SERGEF: variants seen among roughly 807,000 people sequenced by gnomAD.
The protein encoded by SERGEF is secretion-regulating guanine nucleotide exchange factor.
SERGEF carries 51 observed loss-of-function variants against 50.0 expected under a neutral mutation model. The ratio of observed to expected loss-of-function variants is 1.02; its 90% CI spans 0.81 to 1.29. SERGEF has a LOEUF of 1.29. SERGEF is among the 50% of genes most tolerant of loss of function. SERGEF has a pLI of 0.00. For synonymous variants in SERGEF, 205 were observed against 212.4 expected (o/e 0.97, Z 0.30); for missense variants, 521 against 557.0 (o/e 0.94, Z 0.65).
intron 8 of SERGEF, among the ~76,000 whole-genome samples, chr11:17,986,239 T>G (rs977190932): frequency 1.2e-4 from 18 of 152,190 alleles, no homozygotes; most frequent in African/African-American, 4.1e-4. Context: ...TCAACGACAC[T>G]GGGCCAGAGC....
At chr11:18,007,555 G>A (rs1031963351) in intron 2 of SERGEF, among the ~76,000 whole-genome samples, 1 of 152,140 alleles carries the variant, frequency 6.6e-6, no homozygotes, top group African/African-American at 2.4e-5. Context: ...TACAGTAAGG[G>A]AAGATTAAGG....
intron 10 of SERGEF, among the ~76,000 whole-genome samples, chr11:17,876,551 C>G (rs1851238481): frequency 6.6e-6 from 1 of 152,214 alleles, no homozygotes; most frequent in Non-Finnish European, 1.5e-5. Flanking sequence ...ATGATTACCC[C>G]CATTACAAAG....
chr11:17,910,170 TACACAC>T (rs143977376), intron 9 of SERGEF, among the ~76,000 whole-genome samples: 173 of 147,976 alleles, frequency 1.2e-3, no homozygotes, highest in African/African-American at 3.9e-3. Context: ...ATTTGCCACC[TACACAC>T]ACACACACAC....
chr11:17,893,121 C>T (rs1056442271), intron 9 of SERGEF, among the ~76,000 whole-genome samples: 3 of 152,174 alleles, frequency 2.0e-5, no homozygotes, highest in African/African-American at 7.2e-5. Context: ...ACTGATAGTA[C>T]CAGGCCAGTT....
chr11:17,938,232 A>C (rs775419032), intron 9 of SERGEF, among the ~76,000 whole-genome samples: 12 of 152,212 alleles, frequency 7.9e-5, no homozygotes, highest in Non-Finnish European at 1.3e-4. Flanking sequence ...AGGAGGAGTC[A>C]GACTGTCAAA....
At chr11:17,835,375 G>A (rs976419272) in intron 10 of SERGEF, among the ~76,000 whole-genome samples, 3 of 152,148 alleles carry the variant, frequency 2.0e-5, no homozygotes, top group African/African-American at 2.4e-5. Context: ...CAATAGCTCC[G>A]TCTAAATTCT....
intron 10 of SERGEF, among the ~76,000 whole-genome samples, chr11:17,833,268 G>A (rs1045870731): frequency 6.6e-6 from 1 of 152,218 alleles, no homozygotes; most frequent in Admixed American, 6.5e-5. Flanking sequence ...GCTTCAGAGG[G>A]TGCGAACCTC....
intron 8 of SERGEF, among the ~76,000 whole-genome samples, chr11:17,981,363 G>A (rs1410012572): frequency 6.6e-6 from 1 of 152,178 alleles, no homozygotes; most frequent in East Asian, 1.9e-4. Flanking sequence ...TCAAAAGCTG[G>A]GGAAAGATGT....
chr11:18,008,124 T>C, intron 1 of SERGEF, 48 bp from the exon 2 acceptor site: 1 of 1,581,878 alleles, frequency 6.3e-7, no homozygotes. Flanking sequence ...ACCACAACTG[T>C]CAATGTCTAT....
intron 8 of SERGEF, among the ~76,000 whole-genome samples, chr11:17,985,979 T>G (rs1281027984): frequency 1.3e-5 from 2 of 152,228 alleles, no homozygotes; most frequent in Non-Finnish European, 2.9e-5. Flanking sequence ...CAATAGTGTC[T>G]GTGCATAAAC....
intron 7 of SERGEF, 29 bp from the exon 8 acceptor site, chr11:17,988,784 G>A (rs1853650460): frequency 1.2e-6 from 2 of 1,602,318 alleles, no homozygotes; most frequent in Non-Finnish European, 1.7e-6. Flanking sequence ...TAACAAAAGA[G>A]GTGAGGGAAC....
At chr11:17,993,767 A>G (rs1394887856) in intron 6 of SERGEF, among the ~76,000 whole-genome samples, 1 of 152,188 alleles carries the variant, frequency 6.6e-6, no homozygotes, top group Non-Finnish European at 1.5e-5. Context: ...CATGTTCACC[A>G]GAGAGGAAGT....
chr11:17,994,617 C>A (rs1297661936), intron 6 of SERGEF, among the ~76,000 whole-genome samples: 1 of 151,776 alleles, frequency 6.6e-6, no homozygotes, highest in East Asian at 1.9e-4. Context: ...GAAGTGAATA[C>A]CTTGATGAAG....
chr11:17,846,690 T>C (rs1380260323), intron 10 of SERGEF: 1 of 456,110 alleles, frequency 2.2e-6, no homozygotes, highest in Non-Finnish European at 4.4e-6. Flanking sequence ...CTTGAGTATA[T>C]CTCTTAATTT....
chr11:17,910,084 G>C (rs1828172253), intron 9 of SERGEF, among the ~76,000 whole-genome samples: 1 of 151,776 alleles, frequency 6.6e-6, no homozygotes, highest in Admixed American at 6.6e-5. Context: ...TCCAAACTTG[G>C]ATCAAGGGGT....
At chr11:18,001,796 T>C in intron 4 of SERGEF, 1 of 223,726 alleles carries the variant, frequency 4.5e-6, no homozygotes, top group Non-Finnish European at 9.1e-6. Context: ...CTTCTCTAAA[T>C]ATGCTCTAGT....
intron 10 of SERGEF, among the ~76,000 whole-genome samples, chr11:17,824,030 G>T (rs554761080): frequency 3.3e-5 from 5 of 152,252 alleles, no homozygotes; most frequent in African/African-American, 4.8e-5. Flanking sequence ...GGCCGGGCGC[G>T]GTGGCTCATG....
intron 9 of SERGEF, among the ~76,000 whole-genome samples, chr11:17,927,895 T>C (rs1347138346): frequency 6.6e-6 from 1 of 152,230 alleles, no homozygotes; most frequent in Non-Finnish European, 1.5e-5. Context: ...TGCAAGAAGC[T>C]GGAAGAAGAA....
intron 9 of SERGEF, among the ~76,000 whole-genome samples, chr11:17,917,134 C>A (rs1341054617): frequency 6.6e-6 from 1 of 152,202 alleles, no homozygotes; most frequent in Non-Finnish European, 1.5e-5. Flanking sequence ...TATAGCAGTA[C>A]AATTTGCAAT....
Sources: allele counts gnomAD v4.1 joint callset (sites outside exome capture counted in the v4.1 genomes callset), GRCh38; gene constraint gnomAD v4.1.1; transcripts MANE v1.5; gene names NCBI Gene and HGNC (gene_info 2026-07-23, HGNC 2026-07-21).